Variants in PCDHB3 observed in about 807,000 individuals in gnomAD.
The protein encoded by PCDHB3 is protocadherin beta 3.
For synonymous variants in PCDHB3, 479 were observed against 456.0 expected (o/e 1.05, Z -0.64); for missense variants, 967 against 1,012.1 (o/e 0.96, Z 0.60).
In PCDHB3 at chr5:141,100,691, C is replaced by A; in HGVS notation, c.42C>A (p.Val14=). The change falls in exon 1 of 1, where the codon GTC becomes GTA. Residue 14 remains valine, a synonymous_variant. Transcript: ENST00000231130. ...AGCGATTTCTTAGACAAAGGCAAGT[C>A]TTGCTTCTCTTTGTTTTTCTGGGAG... ...GGERFLRQRQ[V]LLLFVFLGGS... is the part of the protein sequence containing the mutation. 1 of 1,612,196 alleles carries A rather than the reference C, an allele frequency of 6.2e-7. No individual in the cohort carries two copies. The highest frequency in any genetic ancestry group is 8.5e-7 in the Non-Finnish European group (1 of 1,179,022).
chr5:141,103,081 G>T lies in PCDHB3; in HGVS notation c.*41G>T, dbSNP rs1218643589. 2 of 1,556,748 alleles carry T rather than the reference G, an allele frequency of 1.3e-6. No individual in the cohort carries two copies. The highest frequency in any genetic ancestry group is 1.9e-5 in the Admixed American group (1 of 51,616). On this transcript the variant is annotated 3_prime_UTR_variant, in exon 1 of 1. Transcript: ENST00000231130. ...TACTGAGCCTCGTCTTAGTTAATCT[G>T]TGGAAAGTCCTTTTTTACTGCTTTG...
At position 141,100,727 on chromosome 5, in the gene PCDHB3, T is replaced by C. The variant is rs1563834269; in HGVS notation, c.78T>C (p.Ala26=). The C allele has an allele frequency of 6.2e-7, 1 of 1,614,104 alleles. No individual in the cohort carries two copies. Among genetic ancestry groups the C allele is most frequent in the Non-Finnish European group, 8.5e-7 (1 of 1,180,004 alleles). The part of the protein sequence containing the change: ...LLFVFLGGSL[A]GSESRRYSVA... ...TTGTTTTTCTGGGAGGGTCTCTGGC[T>C]GGGTCCGAGTCAAGACGCTATTCTG... The change falls in exon 1 of 1, where the codon GCT becomes GCC. Residue 26 remains alanine, a synonymous_variant. Coordinates refer to ENST00000231130, the MANE Select transcript of PCDHB3 (RefSeq NM_018937.5).
chr5:141,102,810 T>C lies in PCDHB3; in HGVS notation c.2161T>C (p.Ser721Pro), dbSNP rs782428977. 5.6e-6 allele frequency: 9 copies of C among 1,612,364 alleles called. No individual in the cohort carries two copies. Among genetic ancestry groups the C allele is most frequent in the South Asian group, 1.1e-5 (1 of 90,986 alleles). ...GCTGTGCAGGAGGAGCAGGGCGGCC[T>C]CGGTGGGTCGCTGCTCGGTGCCCGA... ...VRLCRRSRAA[S>P]VGRCSVPEGP... is the part of the protein sequence containing the mutation. Residue 721 changes from serine to proline, a missense_variant, in exon 1 of 1, where the codon TCG becomes CCG. By Grantham distance (74) the Ser-to-Pro change is moderately conservative. Transcript: ENST00000231130.
Position 141,103,148 on chromosome 5 carries a change from G to T in PCDHB3, c.*108G>T, listed in dbSNP as rs1752005561. The T allele has an allele frequency of 2.2e-6, 3 of 1,333,966 alleles. No homozygotes were observed. The East Asian group carries it at 7.0e-5, about 31-fold the overall frequency. 82.6% of individuals were successfully genotyped at this position (1,333,966 alleles called of 1,614,324 possible). A position where few individuals can be genotyped will look rare whatever the true frequency, so the allele number is the denominator to read the frequency against. ...TTTTTGGTCTGGTTCAAGGCAAGTA[G>T]CAAGAATAGAGCAAAATATCAAATC... On this transcript the variant is annotated 3_prime_UTR_variant, in exon 1 of 1. Coordinates refer to ENST00000231130, the MANE Select transcript of PCDHB3 (RefSeq NM_018937.5).
rs1751945678 is a variant in PCDHB3 at position 141,101,675 on chromosome 5, C to T, written c.1026C>T (p.Asp342=). The change falls in exon 1 of 1, where the codon GAC becomes GAT. Residue 342 remains aspartate, a synonymous_variant. Coordinates refer to ENST00000231130, the MANE Select transcript of PCDHB3 (RefSeq NM_018937.5). ...TAGTCCAGGTGGTTGATGTCAACGACAACCCACCGGAACTGACCTTGTCTT... is the reference window on the plus strand; with the variant it reads ...TAGTCCAGGTGGTTGATGTCAACGATAACCCACCGGAACTGACCTTGTCTT... The part of the protein sequence containing the change: ...TVIVQVVDVN[D]NPPELTLSSV... 6.2e-7 allele frequency: 1 copy of T among 1,614,024 alleles called. No homozygotes were observed. Among genetic ancestry groups the T allele is most frequent in the Non-Finnish European group, 8.5e-7 (1 of 1,180,016 alleles).
rs1187148232 is a variant in PCDHB3 at position 141,100,499 on chromosome 5, C to T, written c.-151C>T. 6.6e-6 allele frequency: 4 copies of T among 610,472 alleles called. No individual in the cohort carries two copies. The highest frequency in any genetic ancestry group is 5.7e-6 in the Non-Finnish European group (2 of 353,004). The allele number at this position is 610,472 out of a possible 1,614,324, so 37.8% of individuals were successfully genotyped here. On this transcript the variant is annotated 5_prime_UTR_variant, in exon 1 of 1. Coordinates refer to ENST00000231130, the MANE Select transcript of PCDHB3 (RefSeq NM_018937.5). ...GTGTGGTAAACCAGCGGTTGAGAGC[C>T]CAGGCAGATTTTTGAGCCAGCAAGT...
Position 141,102,362 on chromosome 5 carries a change from C to A in PCDHB3, c.1713C>A (p.Pro571=), listed in dbSNP as rs782180513. Residue 571 remains proline (P), a synonymous_variant, in exon 1 of 1, where the codon CCC becomes CCA. Transcript: ENST00000231130. ...VLYPLQNGSA[P]CTELVPRAAE... is the part of the protein sequence containing the mutation. ...ACCCGCTGCAGAACGGCTCCGCGCC[C>A]TGCACCGAGCTGGTGCCCCGGGCGG... 172 of 1,611,050 alleles carry A rather than the reference C, an allele frequency of 1.1e-4. No homozygotes were observed. Among genetic ancestry groups the A allele is most frequent in the Non-Finnish European group, 1.4e-4 (164 of 1,179,668 alleles).
Position 141,103,178 on chromosome 5 carries a change from G to C in PCDHB3, c.*138G>C. ...AATAGAGCAAAATATCAAATCCAGGGATGGCTTAGGTTTCATTAACAGTAC... is the reference window on the plus strand; with the variant it reads ...AATAGAGCAAAATATCAAATCCAGGCATGGCTTAGGTTTCATTAACAGTAC... On this transcript the variant is annotated 3_prime_UTR_variant, in exon 1 of 1. Transcript: ENST00000231130. 1.0e-6 allele frequency: 1 copy of C among 988,484 alleles called. No individual in the cohort carries two copies. The allele number at this position is 988,484 out of a possible 1,614,324, so 61.2% of individuals were successfully genotyped here.
In PCDHB3 at chr5:141,103,201, T is replaced by A. The variant is rs182177252; in HGVS notation, c.*161T>A. ...GGGATGGCTTAGGTTTCATTAACAG[T>A]ACTGGAAAGTAGTTGTGTGGCTCTG... On this transcript the variant is annotated 3_prime_UTR_variant, in exon 1 of 1. Coordinates refer to ENST00000231130, the MANE Select transcript of PCDHB3 (RefSeq NM_018937.5). 11 of 725,004 alleles carry A rather than the reference T, an allele frequency of 1.5e-5. No homozygotes were observed. The African/African-American group carries it at 1.6e-4, about 11-fold the overall frequency. The allele number at this position is 725,004 out of a possible 1,614,324, so 44.9% of individuals were successfully genotyped here. A position where few individuals can be genotyped will look rare whatever the true frequency, so the allele number is the denominator to read the frequency against.
chr5:141,103,190 T>A lies in PCDHB3; in HGVS notation c.*150T>A. 1 of 855,586 alleles carries A rather than the reference T, an allele frequency of 1.2e-6. No homozygotes were observed. The highest frequency in any genetic ancestry group is 1.8e-6 in the Non-Finnish European group (1 of 553,604). 53.0% of individuals were successfully genotyped at this position (855,586 alleles called of 1,614,324 possible). A position where few individuals can be genotyped will look rare whatever the true frequency, so the allele number is the denominator to read the frequency against. On this transcript the variant is annotated 3_prime_UTR_variant, in exon 1 of 1. Transcript: ENST00000231130. ...TATCAAATCCAGGGATGGCTTAGGT[T>A]TCATTAACAGTACTGGAAAGTAGTT... is the stretch of plus-strand genomic sequence containing the variant.
In PCDHB3 at chr5:141,100,680, C is replaced by T. The variant is rs1352031647; in HGVS notation, c.31C>T (p.Gln11Ter). MEAGGERFLR[Q>*]RQVLLLFVFL... Reference sequence around the variant, plus strand: ...GGCGGGAGGAGAGCGATTTCTTAGACAAAGGCAAGTCTTGCTTCTCTTTGT... The same window carrying T: ...GGCGGGAGGAGAGCGATTTCTTAGATAAAGGCAAGTCTTGCTTCTCTTTGT... Residue 11 changes from glutamine to a stop codon, truncating the protein, a stop_gained, in exon 1 of 1, where the codon CAA becomes TAA. Coordinates refer to ENST00000231130, the MANE Select transcript of PCDHB3 (RefSeq NM_018937.5). LOFTEE classifies it low-confidence loss of function (END_TRUNC). 30 of 1,608,604 alleles carry T rather than the reference C, an allele frequency of 1.9e-5. No individual in the cohort carries two copies. The highest frequency in any genetic ancestry group is 2.5e-5 in the Non-Finnish European group (29 of 1,177,102).
rs782261575 is a variant in PCDHB3, at chr5:141,101,189, A to G, written c.540A>G (p.Val180=). Residue 180 remains valine, a synonymous_variant, in exon 1 of 1, where the codon GTA becomes GTG. Coordinates refer to ENST00000231130, the MANE Select transcript of PCDHB3 (RefSeq NM_018937.5). ...TCACTCCGAATTCCCACTTCCACGT[A>G]CTCACTCGCAGTCGTAGGGACGGAA... ...YTITPNSHFH[V]LTRSRRDGRK... 1 of 1,614,152 alleles carries G rather than the reference A, an allele frequency of 6.2e-7. No homozygotes were observed. Among genetic ancestry groups the G allele is most frequent in the East Asian group, 2.2e-5 (1 of 44,880 alleles).
In PCDHB3 at chr5:141,101,413, C is replaced by T; in HGVS notation, c.764C>T (p.Thr255Ile). 6.2e-7 allele frequency: 1 copy of T among 1,614,188 alleles called. No homozygotes were observed. Among genetic ancestry groups the T allele is most frequent in the Non-Finnish European group, 8.5e-7 (1 of 1,180,032 alleles). Residue 255 changes from threonine to isoleucine, a missense_variant, in exon 1 of 1, where the codon ACC becomes ATC. Transcript: ENST00000231130. The stretch of plus-strand genomic sequence containing the variant: ...TATGAGGTTGCAGTTCTAGAGAATA[C>T]CCCCGTTAACTCTGTCATTGTCACT... ...PLYEVAVLEN[T>I]PVNSVIVTVS...
chr5:141,101,875 T>C lies in PCDHB3; in HGVS notation c.1226T>C (p.Leu409Pro), dbSNP rs782648308. 6.2e-7 allele frequency: 1 copy of C among 1,614,208 alleles called. No homozygotes were observed. Among genetic ancestry groups the C allele is most frequent in the Non-Finnish European group, 8.5e-7 (1 of 1,180,024 alleles). The change falls in exon 1 of 1, where the codon CTG (leucine) becomes CCG (proline). Residue 409 changes from leucine to proline, a missense_variant. Leu to Pro is a moderately conservative substitution (Grantham distance 98). Coordinates refer to ENST00000231130, the MANE Select transcript of PCDHB3 (RefSeq NM_018937.5). ...NFYTLVSEGALDRETRSEYNI... is the reference protein window; with the variant it reads ...NFYTLVSEGAPDRETRSEYNI... ...TACACCCTAGTGTCAGAAGGCGCGCTGGACAGAGAGACCAGATCCGAGTAC... is the reference window on the plus strand; with the variant it reads ...TACACCCTAGTGTCAGAAGGCGCGCCGGACAGAGAGACCAGATCCGAGTAC...
Position 141,102,038 on chromosome 5 carries a change from C to T in PCDHB3, c.1389C>T (p.Asn463=). The T allele has an allele frequency of 6.2e-7, 1 of 1,613,068 alleles. No individual in the cohort carries two copies. Among genetic ancestry groups the T allele is most frequent in the South Asian group, 1.1e-5 (1 of 91,028 alleles). ...CCTACACCCTGTTCGTCCGCGAGAA[C>T]AACAGCCCCGCCCTGCACATCGGCA... ...QISYTLFVRE[N]NSPALHIGSV... is the part of the protein sequence containing the mutation. The change falls in exon 1 of 1, where the codon AAC becomes AAT. Residue 463 remains asparagine (N), a synonymous_variant. Transcript: ENST00000231130.
In PCDHB3 at chr5:141,102,377, G is replaced by A. The variant is rs1751975640; in HGVS notation, c.1728G>A (p.Val576=). ...GCTCCGCGCCCTGCACCGAGCTGGT[G>A]CCCCGGGCGGCTGAGCCGGGCTACC... ...QNGSAPCTEL[V]PRAAEPGYLV... Residue 576 remains valine (V), a synonymous_variant, in exon 1 of 1, where the codon GTG becomes GTA. Coordinates refer to ENST00000231130, the MANE Select transcript of PCDHB3 (RefSeq NM_018937.5). The A allele has an allele frequency of 4.3e-6, 7 of 1,611,000 alleles. No homozygotes were observed. The highest frequency in any genetic ancestry group is 5.9e-6 in the Non-Finnish European group (7 of 1,179,630).
chr5:141,101,853 A>C lies in PCDHB3; in HGVS notation c.1204A>C (p.Thr402Pro). The C allele has an allele frequency of 6.2e-7, 1 of 1,613,904 alleles. No homozygotes were observed. The highest frequency in any genetic ancestry group is 8.5e-7 in the Non-Finnish European group (1 of 1,179,982). ...GAAACCATCTGTAGAGAATTTTTACACCCTAGTGTCAGAAGGCGCGCTGGA... is the reference window on the plus strand; with the variant it reads ...GAAACCATCTGTAGAGAATTTTTACCCCCTAGTGTCAGAAGGCGCGCTGGA... ...FLKPSVENFY[T>P]LVSEGALDRE... The change falls in exon 1 of 1, where the codon ACC becomes CCC. Residue 402 changes from threonine (T) to proline (P), a missense_variant. Thr to Pro is a conservative substitution (Grantham distance 38). Transcript: ENST00000231130.
chr5:141,102,714 T>G lies in PCDHB3; in HGVS notation c.2065T>G (p.Tyr689Asp). 1.9e-6 allele frequency: 3 copies of G among 1,611,960 alleles called. No homozygotes were observed. Among genetic ancestry groups the G allele is most frequent in the Non-Finnish European group, 2.5e-6 (3 of 1,179,786 alleles). ...GGCCCAGGCCGACTTGCTCACCGTC[T>G]ACCTGGTGGTGGCATTGGCCTCGGT... ...AQAQADLLTV[Y>D]LVVALASVSS... is the part of the protein sequence containing the mutation. The change falls in exon 1 of 1, where the codon TAC (tyrosine) becomes GAC (aspartate). Residue 689 changes from tyrosine to aspartate, a missense_variant. By Grantham distance (160) the Tyr-to-Asp change is radical. Transcript: ENST00000231130.
At position 141,100,555 on chromosome 5, in the gene PCDHB3, CCGTCTA is replaced by C. The variant is rs1397703110; in HGVS notation, c.-93_-88del. The C allele has an allele frequency of 7.8e-5, 53 of 677,702 alleles. No individual in the cohort carries two copies. The highest frequency in any genetic ancestry group is 1.2e-4 in the Non-Finnish European group (53 of 438,222). 42.0% of individuals were successfully genotyped at this position (677,702 alleles called of 1,614,324 possible). A position where few individuals can be genotyped will look rare whatever the true frequency, so the allele number is the denominator to read the frequency against. ...CCTCTGGAAAGGCTTATTCACTAGG[CCGTCTA>C]CAAAGGTTGTGGGGCAAAAGACTGT... On this transcript the variant is annotated 5_prime_UTR_variant, in exon 1 of 1. Coordinates refer to ENST00000231130, the MANE Select transcript of PCDHB3 (RefSeq NM_018937.5).
Sources: gnomAD v4.1 joint callset for allele counts on GRCh38, gnomAD v4.1.1 for gene constraint, MANE v1.5 for transcripts, NCBI Gene and HGNC (gene_info 2026-07-23, HGNC 2026-07-21) for gene names.